The following DENND2A variants were observed in gnomAD, a reference collection of about 807,000 sequenced individuals.
DENND2A encodes DENN domain containing 2A.
DENND2A carries 53 observed loss-of-function variants against 105.3 expected under a neutral mutation model. The observed-to-expected ratio is 0.50, with a 90% CI of 0.40 to 0.63. DENND2A has a LOEUF of 0.63. Among genes scored for constraint, DENND2A ranks in the 30% least tolerant of loss-of-function variants. DENND2A has a pLI of 0.00. For missense variants in DENND2A, 1,138 were observed against 1,279.6 expected (o/e 0.89, Z 1.69); for synonymous variants, 522 against 508.4 (o/e 1.03, Z -0.36).
intron 1 of DENND2A, among the ~76,000 whole-genome samples, chr7:140,614,975 C>T (rs989386765): frequency 1.3e-5 from 2 of 152,168 alleles, no homozygotes; most frequent in African/African-American, 4.8e-5. Context: ...CTTCCTACCT[C>T]AGCTCCCTAC....
intron 5 of DENND2A, among the ~76,000 whole-genome samples, chr7:140,580,306 T>TATGTATGCATGTATGC (rs113910778): frequency 0.28 from 42,537 of 151,704 alleles, 6,107 homozygotes; most frequent in Middle Eastern, 0.38. Flanking sequence ...TGTATGCATG[T>TATGTATGCATGTATGC]ATGTATGCAT....
In DENND2A at chr7:140,581,896, G is replaced by C. The variant is rs183338420; in HGVS notation, c.1245+3693C>G. On this transcript the variant is annotated intron_variant, in intron 5 of 19. Coordinates refer to ENST00000496613, the MANE Select transcript of DENND2A (RefSeq NM_015689.5). ...AGCCCAGCAGTGACAAGAAGAAAAG[G>C]GTTGGTAAGCCTTTATTTCCTGGTA... Among the ~76,000 whole-genome samples the C allele has an allele frequency of 1.3e-4, 20 of 152,258 alleles. No individual in the cohort carries two copies. The East Asian group carries it at 3.1e-3, about 24-fold the overall frequency.
chr7:140,588,112 T>G (rs1385738370), intron 3 of DENND2A, among the ~76,000 whole-genome samples: 1 of 152,128 alleles, frequency 6.6e-6, no homozygotes, highest in African/African-American at 2.4e-5. Context: ...AGTTTCACTG[T>G]GTTGGCCAGG....
intron 3 of DENND2A, among the ~76,000 whole-genome samples, chr7:140,593,182 TC>T (rs1244931274): frequency 3.9e-5 from 6 of 152,200 alleles, no homozygotes; most frequent in African/African-American, 1.4e-4. Context: ...TTTTCAACAT[TC>T]ATTCCACATC....
intron 1 of DENND2A, among the ~76,000 whole-genome samples, chr7:140,624,849 G>GTTTTGTTTT (rs1800450324): frequency 2.3e-5 from 3 of 131,238 alleles, no homozygotes; most frequent in African/African-American, 9.5e-5. Flanking sequence ...GTTTTTCTTT[G>GTTTTGTTTT]TTTTTTTTGT....
chr7:140,626,652 C>T (rs1800544083), intron 1 of DENND2A, among the ~76,000 whole-genome samples: 2 of 152,228 alleles, frequency 1.3e-5, no homozygotes, highest in African/African-American at 4.8e-5. Context: ...TCCTCCTCTT[C>T]CTTTCCTCCC....
In DENND2A at chr7:140,639,710, AT is replaced by A. The variant is rs34633036; in HGVS notation, c.-248+793del. The stretch of plus-strand genomic sequence containing the variant: ...TCATTTGGAACCTTGGGGAAGTCAC[AT>A]TCCTGAATCGCATCTGAACAGCAGC... On this transcript the variant is annotated intron_variant, in intron 1 of 19. Coordinates refer to ENST00000496613, the MANE Select transcript of DENND2A (RefSeq NM_015689.5). Among the ~76,000 whole-genome samples, 1,245 of 152,320 alleles carry A rather than the reference AT, an allele frequency of 8.2e-3. 17 individuals carry two copies. The highest frequency in any genetic ancestry group is 0.029 in the African/African-American group (1,189 of 41,566).
At position 140,602,178 on chromosome 7, in the gene DENND2A, A is replaced by G. The variant is rs1444315143; in HGVS notation, c.220T>C (p.Tyr74His). 1 of 1,614,044 alleles carries G rather than the reference A, an allele frequency of 6.2e-7. No homozygotes were observed. The highest frequency in any genetic ancestry group is 1.7e-5 in the Admixed American group (1 of 60,014). ...CTCTCCACCGTAGAGGACGGCAGATAATCCTCCTGTCCGTCTGCTCTCCTG... is the reference window on the plus strand; with the variant it reads ...CTCTCCACCGTAGAGGACGGCAGATGATCCTCCTGTCCGTCTGCTCTCCTG... Reference protein sequence around the residue: ...PSRRADGQEDYLPSSTVERRS... With the variant: ...PSRRADGQEDHLPSSTVERRS... The change falls in exon 3 of 20, where the codon TAT (tyrosine) becomes CAT (histidine). Residue 74 changes from tyrosine to histidine, a missense_variant. This residue lies in a region of DENND2A where 511 missense variants were observed against 499.9 expected (regional missense o/e 1.02). Coordinates refer to ENST00000496613, the MANE Select transcript of DENND2A (RefSeq NM_015689.5).
chr7:140,563,114 G>A lies in DENND2A; in HGVS notation c.1780-3297C>T, dbSNP rs150720453. ...GAAAGGACCAGCCAAGAATACCAAAGGGAGGAAGAATACCAAATGAGTTTC... is the reference window on the plus strand; with the variant it reads ...GAAAGGACCAGCCAAGAATACCAAAAGGAGGAAGAATACCAAATGAGTTTC... On this transcript the variant is annotated intron_variant, in intron 9 of 19. Transcript: ENST00000496613. 2.3e-3 allele frequency among the ~76,000 whole-genome samples: 355 copies of A among 152,282 alleles called. 2 individuals carry two copies. Among genetic ancestry groups the A allele is most frequent in the African/African-American group, 8.2e-3 (342 of 41,530 alleles).
At chr7:140,635,005 G>A (rs183790807) in intron 1 of DENND2A, among the ~76,000 whole-genome samples, 6 of 152,078 alleles carry the variant, frequency 3.9e-5, no homozygotes, top group Admixed American at 1.3e-4. Flanking sequence ...GCTCATGCCT[G>A]TAGTCCCAGC....
intron 2 of DENND2A, among the ~76,000 whole-genome samples, chr7:140,603,032 C>T (rs1189526530): frequency 6.6e-6 from 1 of 152,124 alleles, no homozygotes; most frequent in Non-Finnish European, 1.5e-5. Flanking sequence ...CACCTGTAAT[C>T]CCAGCACTTT....
intron 1 of DENND2A, among the ~76,000 whole-genome samples, chr7:140,637,400 G>A (rs949788676): frequency 1.3e-5 from 2 of 152,216 alleles, no homozygotes; most frequent in East Asian, 3.9e-4. Flanking sequence ...CAGGTTCTCT[G>A]CCTTCTGCAG....
chr7:140,570,440 G>A (rs1043764515), intron 6 of DENND2A, among the ~76,000 whole-genome samples: 2 of 152,174 alleles, frequency 1.3e-5, no homozygotes, highest in Admixed American at 6.5e-5. Flanking sequence ...GAAAAAAAAA[G>A]TTCCCAGGCA....
rs11358052 is a variant in DENND2A at position 140,608,675 on chromosome 7, TAAA to T, written c.-247-2872_-247-2870del. On this transcript the variant is annotated intron_variant, in intron 1 of 19. Transcript: ENST00000496613. ...CAGGTGACACAGTGAGACTCTGTCT[TAAA>T]AAAAAAAAAAAAAATCATTAATTAA... Among the ~76,000 whole-genome samples the T allele has an allele frequency of 1.9e-3, 262 of 137,586 alleles. 2 individuals are homozygous for T. The highest frequency in any genetic ancestry group is 6.5e-3 in the African/African-American group (248 of 38,318). 90.3% of individuals were successfully genotyped at this position (137,586 alleles called of 152,430 possible). A position where few individuals can be genotyped will look rare whatever the true frequency, so the allele number is the denominator to read the frequency against.
At position 140,573,865 on chromosome 7, in the gene DENND2A, G is replaced by A. The variant is rs1159937960; in HGVS notation, c.1389C>T (p.Asp463=). The A allele has an allele frequency of 6.2e-7, 1 of 1,614,100 alleles. No individual in the cohort carries two copies. The change falls in exon 6 of 20, where the codon GAC becomes GAT. Residue 463 remains aspartate, a synonymous_variant. Transcript: ENST00000496613. ...GTGGGTCTCCAAGGTTAAAGAAAAT[G>A]TCATCAGGGCTGCTGGGAGTGGAGG... is the stretch of plus-strand genomic sequence containing the variant. ...SPPSTPSSPD[D]IFFNLGDPQN... is the part of the protein sequence containing the mutation.
At chr7:140,593,590 G>A (rs544012560) in intron 3 of DENND2A, among the ~76,000 whole-genome samples, 49 of 152,304 alleles carry the variant, frequency 3.2e-4, no homozygotes, top group African/African-American at 1.1e-3. Flanking sequence ...AGCTGAACTC[G>A]TAATCCTATT....
intron 1 of DENND2A, among the ~76,000 whole-genome samples, chr7:140,606,058 T>G (rs1799677228): frequency 6.6e-6 from 1 of 152,202 alleles, no homozygotes; most frequent in African/African-American, 2.4e-5. Context: ...TTGTTTTTTT[T>G]GAGACAGGGT....
intron 14 of DENND2A, among the ~76,000 whole-genome samples, chr7:140,535,332 G>A (rs1326025136): frequency 6.6e-6 from 1 of 152,138 alleles, no homozygotes; most frequent in African/African-American, 2.4e-5. Flanking sequence ...AACCTACTAG[G>A]AGGTGGGAGT....
chr7:140,636,337 C>T (rs1800930706), intron 1 of DENND2A, among the ~76,000 whole-genome samples: 1 of 152,192 alleles, frequency 6.6e-6, no homozygotes. Context: ...AACTCCTAAC[C>T]CCCAGTCTTC....
Sources: allele counts gnomAD v4.1 joint callset (sites outside exome capture counted in the v4.1 genomes callset), GRCh38; gene constraint gnomAD v4.1.1; regional missense constraint gnomAD v4.1.1; transcripts MANE v1.5; gene names NCBI Gene and HGNC (gene_info 2026-07-23, HGNC 2026-07-21).